Variants in ITGA1 observed in about 807,000 individuals in gnomAD.
ITGA1 encodes the protein integrin subunit alpha 1, also known as integrin alpha-1.
In ITGA1, 85 loss-of-function variants were observed where a neutral mutation model predicts 145.9. That is an observed-to-expected ratio of 0.58 (90% CI 0.49 to 0.70). The LOEUF (loss-of-function observed/expected upper bound fraction) is 0.70, where lower values mean the gene tolerates loss of function less well. Among genes scored for constraint, ITGA1 ranks in the 30% least tolerant of loss-of-function variants. ITGA1 has a pLI of 0.00. For synonymous variants in ITGA1, 520 were observed against 495.3 expected (o/e 1.05, Z -0.66); for missense variants, 1,351 against 1,418.7 (o/e 0.95, Z 0.77).
chr5:52,946,899 CA>C (rs1202213139), intron 27 of ITGA1, among the ~76,000 whole-genome samples: 3 of 152,136 alleles, frequency 2.0e-5, no homozygotes, highest in Non-Finnish European at 4.4e-5. Context: ...AATTTATAAA[CA>C]AAAAATTATG....
At chr5:52,846,709 T>G (rs1424361128) in intron 1 of ITGA1, among the ~76,000 whole-genome samples, 1 of 152,224 alleles carries the variant, frequency 6.6e-6, no homozygotes, top group African/African-American at 2.4e-5. Context: ...CTTTTTCTGC[T>G]TCCTTCATGC....
intron 26 of ITGA1, among the ~76,000 whole-genome samples, chr5:52,943,329 G>T (rs1057237045): frequency 6.6e-6 from 1 of 152,214 alleles, no homozygotes; most frequent in Non-Finnish European, 1.5e-5. Context: ...GGTGTAAGTT[G>T]AGTGTAGTCA....
At chr5:52,935,050 A>T (rs539829313) in intron 23 of ITGA1, among the ~76,000 whole-genome samples, 1 of 151,966 alleles carries the variant, frequency 6.6e-6, no homozygotes, top group African/African-American at 2.4e-5. Context: ...AAACAAAAAG[A>T]CTTTGTTGCA....
At chr5:52,865,158 A>G in intron 5 of ITGA1, 76 bp downstream of exon 5, 2 of 1,055,196 alleles carry the variant, frequency 1.9e-6, no homozygotes, top group Non-Finnish European at 2.8e-6. Context: ...ACAAAGGAAC[A>G]TACCAAAAAG....
intron 14 of ITGA1, among the ~76,000 whole-genome samples, chr5:52,911,107 T>A (rs1188987646): frequency 7.5e-6 from 1 of 133,444 alleles, no homozygotes; most frequent in Admixed American, 7.7e-5. Context: ...ATAGTGTATA[T>A]ATAGTATATA....
chr5:52,943,017 A>G (rs77092974), intron 26 of ITGA1, among the ~76,000 whole-genome samples: 46 of 152,152 alleles, frequency 3.0e-4, no homozygotes, highest in Non-Finnish European at 5.6e-4. Flanking sequence ...TTACCAGTGG[A>G]AAAAAGATAG....
intron 18 of ITGA1, among the ~76,000 whole-genome samples, chr5:52,924,992 C>A (rs1750782480): frequency 6.6e-6 from 1 of 152,174 alleles, no homozygotes; most frequent in African/African-American, 2.4e-5. Context: ...CTTTGTATTT[C>A]AAAACTGTCC....
At chr5:52,944,390 C>T (rs78443369) in intron 26 of ITGA1, among the ~76,000 whole-genome samples, 2,608 of 152,236 alleles carry the variant, frequency 0.017, 78 homozygotes, top group African/African-American at 0.059. Flanking sequence ...AGGTACCCTA[C>T]GCAGGGTTCC....
At position 52,956,495 on chromosome 5, in the gene ITGA1, C is replaced by G. The variant is rs1187425598; in HGVS notation, c.*4044C>G. 1 of 152,134 alleles carries G rather than the reference C, an allele frequency of 6.6e-6. No individual in the cohort carries two copies. The highest frequency in any genetic ancestry group is 2.4e-5 in the African/African-American group (1 of 41,412). 9.4% of individuals were successfully genotyped at this position (152,134 alleles called of 1,614,324 possible). ...GTTAATAAAACATTTGCTCTGAGTA[C>G]CAGCTTCAGTGACTCAATCATTTAT... is the stretch of plus-strand genomic sequence containing the variant. On this transcript the variant is annotated 3_prime_UTR_variant, in exon 29 of 29. Transcript: ENST00000282588.
At position 52,922,856 on chromosome 5, in the gene ITGA1, A is replaced by G. The variant is rs759758150; in HGVS notation, c.2372A>G (p.Asp791Gly). The G allele has an allele frequency of 6.2e-7, 1 of 1,609,960 alleles. No individual in the cohort carries two copies. The highest frequency in any genetic ancestry group is 8.5e-7 in the Non-Finnish European group (1 of 1,176,212). Residue 791 changes from aspartate to glycine, a missense_variant, in exon 18 of 29, where the codon GAT (aspartate) becomes GGT (glycine). Asp to Gly is a moderately conservative substitution (Grantham distance 94). Coordinates refer to ENST00000282588, the MANE Select transcript of ITGA1 (RefSeq NM_181501.2). ...LTDPENGPVL[D>G]DSLPNSVHEY... ...GATCCAGAAAATGGGCCTGTTCTTG[A>G]TGATTCTCTACCAAACTCAGTACAT...
intron 14 of ITGA1, among the ~76,000 whole-genome samples, chr5:52,913,520 TC>T (rs998247121): frequency 3.9e-5 from 6 of 152,174 alleles, no homozygotes; most frequent in African/African-American, 9.7e-5. Context: ...GTATTTTTTT[TC>T]CTTCATTAGA....
In ITGA1 at chr5:52,887,932, T is replaced by G; in HGVS notation, c.891T>G (p.Cys297Trp). 11 of 1,613,712 alleles carry G rather than the reference T, an allele frequency of 6.8e-6. No homozygotes were observed. Among genetic ancestry groups the G allele is most frequent in the Non-Finnish European group, 9.3e-6 (11 of 1,179,744 alleles). The change falls in exon 8 of 29, where the codon TGT becomes TGG. Residue 297 changes from cysteine (C) to tryptophan (W), a missense_variant. By Grantham distance (215) the Cys-to-Trp change is radical (BLOSUM62 -2). Coordinates refer to ENST00000282588, the MANE Select transcript of ITGA1 (RefSeq NM_181501.2). ...NHRLKKVIQD[C>W]EDENIQRFSI... ...GACTGAAGAAGGTCATCCAAGACTG[T>G]GAAGATGAAAACATTCAACGGTTTT...
chr5:52,820,634 C>T (rs1308383659), intron 1 of ITGA1, among the ~76,000 whole-genome samples: 1 of 152,114 alleles, frequency 6.6e-6, no homozygotes, highest in Non-Finnish European at 1.5e-5. Context: ...AACCAGCCCA[C>T]ATGGCTTCCA....
At chr5:52,928,818 T>G (rs1304399318) in intron 20 of ITGA1, among the ~76,000 whole-genome samples, 1 of 152,166 alleles carries the variant, frequency 6.6e-6, no homozygotes, top group Non-Finnish European at 1.5e-5. Context: ...AGTTGATTGG[T>G]CATTTCAAAG....
chr5:52,881,025 G>C (rs1309253499), intron 6 of ITGA1, among the ~76,000 whole-genome samples: 2 of 152,164 alleles, frequency 1.3e-5, no homozygotes, highest in Non-Finnish European at 2.9e-5. Context: ...CTGCATGAAG[G>C]CTCTGCAGTT....
intron 26 of ITGA1, among the ~76,000 whole-genome samples, chr5:52,943,914 G>C (rs1354912767): frequency 6.6e-6 from 1 of 152,188 alleles, no homozygotes; most frequent in Admixed American, 6.5e-5. Context: ...AGTCCTCCCA[G>C]GTCACAGGGA....
At chr5:52,804,641 A>T (rs1442321132) in intron 1 of ITGA1, among the ~76,000 whole-genome samples, 2 of 152,130 alleles carry the variant, frequency 1.3e-5, no homozygotes, top group African/African-American at 2.4e-5. Flanking sequence ...GAAGTTACTA[A>T]TTCTGCAATT....
chr5:52,909,272 T>C (rs1442549986), intron 13 of ITGA1, among the ~76,000 whole-genome samples: 1 of 152,132 alleles, frequency 6.6e-6, no homozygotes, highest in South Asian at 2.1e-4. Context: ...TTTAACAATA[T>C]ATAGGATAAA....
At position 52,873,526 on chromosome 5, in the gene ITGA1, A is replaced by C. The variant is rs754426910; in HGVS notation, c.624+7709A>C. ...GGAAATAATCATCTACCTGTAAATC[A>C]GTCCCATTTATATCCCTCTTTATAA... On this transcript the variant is annotated intron_variant, in intron 6 of 28. Transcript: ENST00000282588. 2.0e-5 allele frequency among the ~76,000 whole-genome samples: 3 copies of C among 152,224 alleles called. No homozygotes were observed. In the South Asian group the frequency reaches 6.2e-4, roughly 32 times the overall value.
Sources: gnomAD v4.1 joint callset for allele counts (sites outside exome capture counted in the v4.1 genomes callset) on GRCh38, gnomAD v4.1.1 for gene constraint, MANE v1.5 for transcripts, NCBI Gene and HGNC (gene_info 2026-07-23, HGNC 2026-07-21) for gene names.